CAST: variants seen among roughly 807,000 people sequenced by gnomAD.
CAST encodes the protein MIR583 host.
Under a neutral mutation model 119.6 loss-of-function variants are expected in CAST, and 76 were observed. The observed-to-expected ratio is 0.64, with a 90% confidence interval of 0.53 to 0.77. CAST has a LOEUF of 0.77. Ranked by LOEUF, CAST falls within the 30% of genes least tolerant of loss-of-function variation. The pLI, the probability that CAST is intolerant of heterozygous loss-of-function variation, is 0.00. For missense variants in CAST, 953 were observed against 946.5 expected (o/e 1.01, Z -0.09); for synonymous variants, 319 against 331.6 (o/e 0.96, Z 0.41).
the CAST span, among the ~76,000 whole-genome samples, chr5:96,345,667 C>T: frequency 6.6e-6 from 1 of 152,168 alleles, no homozygotes; most frequent in Non-Finnish European, 1.5e-5. Context: ...GCTGCTCTCC[C>T]ATCTGAAGGC....
In CAST at chr5:96,614,692, C is replaced by T. The variant is rs187514183; in HGVS notation, c.61-60847C>T. ...ACCCACCTCCATCCAAAGCCTAGGC[C>T]CAGCCTCTCCCCAGGGGTGCCAGAT... On this transcript the variant is annotated intron_variant, in intron 1 of 11. Transcript: ENST00000505143. 3.0e-3 allele frequency among the ~76,000 whole-genome samples: 461 copies of T among 152,126 alleles called. 2 individuals are homozygous for T. The highest frequency in any genetic ancestry group is 0.011 in the African/African-American group (444 of 41,456).
chr5:96,006,860 A>C, the CAST span, among the ~76,000 whole-genome samples: 1 of 152,206 alleles, frequency 6.6e-6, no homozygotes, highest in East Asian at 1.9e-4. Context: ...TAAGAACTGG[A>C]CATTGCAGGA....
the CAST span, among the ~76,000 whole-genome samples, chr5:96,448,661 G>A: frequency 2.0e-5 from 3 of 152,070 alleles, no homozygotes; most frequent in African/African-American, 7.2e-5. Context: ...TCACTTTCAG[G>A]AAGATCAATA....
chr5:96,394,740 T>C, the CAST span: 9 of 833,218 alleles, frequency 1.1e-5, no homozygotes, highest in East Asian at 2.2e-4. Flanking sequence ...TTTACCACTA[T>C]CACTTCTTAT....
chr5:96,675,635 T>C, intron 2 of CAST, 34 bp downstream of exon 2: 2 of 1,482,302 alleles, frequency 1.3e-6, no homozygotes, highest in African/African-American at 1.4e-5. Context: ...TCATTTTCTC[T>C]TGCTTTTAAA....
the CAST span, among the ~76,000 whole-genome samples, chr5:96,297,321 C>T: frequency 5.2e-3 from 796 of 152,226 alleles, 7 homozygotes; most frequent in African/African-American, 0.018. Flanking sequence ...TGAGGAAAAA[C>T]TTGGGGGTAG....
At chr5:96,408,341 G>C in the CAST span, 1 of 1,590,940 alleles carries the variant, frequency 6.3e-7, no homozygotes, top group Non-Finnish European at 8.6e-7. Flanking sequence ...ACGTCAGGAA[G>C]GAGAGAAAGG....
intron 1 of CAST, among the ~76,000 whole-genome samples, chr5:96,602,242 A>T (rs1380141474): frequency 6.6e-6 from 1 of 152,206 alleles, no homozygotes; most frequent in East Asian, 1.9e-4. Context: ...TTATACTGCT[A>T]TCTCAACAAT....
the CAST span, among the ~76,000 whole-genome samples, chr5:96,012,784 C>T: frequency 6.6e-6 from 1 of 152,140 alleles, no homozygotes; most frequent in Non-Finnish European, 1.5e-5. Flanking sequence ...TTTCCTCAAC[C>T]CTTGACTTGC....
At chr5:96,104,215 C>T in the CAST span, among the ~76,000 whole-genome samples, 48 of 152,250 alleles carry the variant, frequency 3.2e-4, 1 homozygote, top group East Asian at 6.6e-3. Flanking sequence ...GTTTCTTTTG[C>T]GGTGCAGAAG....
chr5:96,002,191 G>A, the CAST span, among the ~76,000 whole-genome samples: 1 of 152,182 alleles, frequency 6.6e-6, no homozygotes, highest in African/African-American at 2.4e-5. Context: ...TTTTGAAAAG[G>A]CCTTGCCTGA....
the CAST span, among the ~76,000 whole-genome samples, chr5:96,364,691 G>T: frequency 6.6e-6 from 1 of 151,992 alleles, no homozygotes; most frequent in Non-Finnish European, 1.5e-5. Context: ...ATTTTTTATT[G>T]CGTCTATTTG....
intron 1 of CAST, among the ~76,000 whole-genome samples, chr5:96,592,420 C>A (rs183200294): frequency 6.6e-6 from 1 of 152,128 alleles, no homozygotes; most frequent in East Asian, 1.9e-4. Context: ...GGGGGAAAAC[C>A]CAGCTATAGC....
chr5:96,706,646 A>G (rs150330696), intron 3 of CAST, among the ~76,000 whole-genome samples: 69 of 152,324 alleles, frequency 4.5e-4, no homozygotes, highest in Admixed American at 1.9e-3. Context: ...AGGACTGCTT[A>G]TAAGTGTGAA....
At chr5:96,640,107 T>C (rs922413052) in intron 1 of CAST, among the ~76,000 whole-genome samples, 1 of 152,212 alleles carries the variant, frequency 6.6e-6, no homozygotes, top group African/African-American at 2.4e-5. Context: ...TGTATCTGAA[T>C]AGGAACTTCT....
At chr5:96,384,573 G>A in the CAST span, among the ~76,000 whole-genome samples, 6,414 of 152,100 alleles carry the variant, frequency 0.042, 441 homozygotes, top group African/African-American at 0.15. Flanking sequence ...CCTCTTTTCC[G>A]TCAGCTGACT....
the CAST span, among the ~76,000 whole-genome samples, chr5:95,985,175 G>A: frequency 6.6e-6 from 1 of 152,102 alleles, no homozygotes. Flanking sequence ...TTAGCTGGGT[G>A]TAGTAGCCTG....
At chr5:96,409,355 T>C in the CAST span, among the ~76,000 whole-genome samples, 1 of 152,212 alleles carries the variant, frequency 6.6e-6, no homozygotes, top group Admixed American at 6.5e-5. Flanking sequence ...TTTCTCAAGT[T>C]ATGATGGCTC....
At chr5:96,072,232 C>G in the CAST span, among the ~76,000 whole-genome samples, 1 of 151,960 alleles carries the variant, frequency 6.6e-6, no homozygotes, top group African/African-American at 2.4e-5. Flanking sequence ...AAGGCCTGAC[C>G]CTCGTGGTTG....
Sources: gnomAD v4.1 joint callset for allele counts (sites outside exome capture counted in the v4.1 genomes callset) on GRCh38, gnomAD v4.1.1 for gene constraint, MANE v1.5 for transcripts, NCBI Gene and HGNC (gene_info 2026-07-23, HGNC 2026-07-21) for gene names.